LGSN: variants seen among roughly 807,000 people sequenced by gnomAD.
LGSN encodes lengsin, lens protein with glutamine synthetase domain.
In LGSN, 21 loss-of-function variants were observed where a neutral mutation model predicts 19.5. The ratio of observed to expected loss-of-function variants is 1.07; its 90% CI spans 0.76 to 1.55. The LOEUF is 1.55. Among genes scored for constraint, LGSN ranks in the 40% most tolerant of loss-of-function variants. LGSN has a pLI of 0.00. For missense variants in LGSN, 673 were observed against 608.5 expected (o/e 1.11, Z -1.12); for synonymous variants, 257 against 215.6 (o/e 1.19, Z -1.68).
chr6:63,411,836 G>A, the LGSN span, among the ~76,000 whole-genome samples: 1 of 151,964 alleles, frequency 6.6e-6, no homozygotes, highest in Admixed American at 6.6e-5. Context: ...GACAGAGTGA[G>A]ACCCTGTCTC....
chr6:63,443,001 C>T, the LGSN span, among the ~76,000 whole-genome samples: 9 of 152,326 alleles, frequency 5.9e-5, no homozygotes, highest in East Asian at 5.8e-4. Context: ...GAGCAGGCGG[C>T]GGTGCCCGTC....
the LGSN span, among the ~76,000 whole-genome samples, chr6:63,512,312 G>T: frequency 7.9e-5 from 12 of 152,028 alleles, no homozygotes; most frequent in Non-Finnish European, 1.5e-4. Context: ...GGAACTCCTG[G>T]CCTTAAGTGA....
chr6:63,550,134 TA>T, the LGSN span, among the ~76,000 whole-genome samples: 1 of 152,160 alleles, frequency 6.6e-6, no homozygotes, highest in Non-Finnish European at 1.5e-5. Flanking sequence ...AGAAAAACTT[TA>T]AAACTGAGAA....
At chr6:63,286,788 C>T (rs1250567170) in intron 2 of LGSN, among the ~76,000 whole-genome samples, 1 of 152,204 alleles carries the variant, frequency 6.6e-6, no homozygotes, top group Admixed American at 6.5e-5. Context: ...CCTGCCTTTG[C>T]CCTAGCAACA....
intron 1 of LGSN, among the ~76,000 whole-genome samples, chr6:63,297,253 T>C (rs930128196): frequency 6.6e-6 from 1 of 151,442 alleles, no homozygotes; most frequent in Non-Finnish European, 1.5e-5. Context: ...GGCAGGAGAA[T>C]TGCTTGAACC....
At chr6:63,340,838 T>TTTTGTG in the LGSN span, among the ~76,000 whole-genome samples, 1 of 146,722 alleles carries the variant, frequency 6.8e-6, no homozygotes, top group African/African-American at 2.5e-5. Flanking sequence ...TTTTTATGGT[T>TTTTGTG]TGTGTGTGTG....
the LGSN span, among the ~76,000 whole-genome samples, chr6:63,484,763 C>T: frequency 6.6e-6 from 1 of 152,176 alleles, no homozygotes; most frequent in Admixed American, 6.5e-5. Context: ...TATACTGGCT[C>T]TGAGGTAAAT....
chr6:63,451,697 T>A, the LGSN span, among the ~76,000 whole-genome samples: 2 of 151,974 alleles, frequency 1.3e-5, no homozygotes, highest in East Asian at 3.9e-4. Flanking sequence ...CAAACCCCCA[T>A]GACACAAGTT....
the LGSN span, among the ~76,000 whole-genome samples, chr6:63,405,771 T>C: frequency 6.6e-6 from 1 of 152,130 alleles, no homozygotes; most frequent in Non-Finnish European, 1.5e-5. Flanking sequence ...TGTGCTGTAT[T>C]CAGGAAACCC....
At chr6:63,542,021 T>TGG in the LGSN span, among the ~76,000 whole-genome samples, 1 of 88,912 alleles carries the variant, frequency 1.1e-5, no homozygotes, top group Non-Finnish European at 2.1e-5. Flanking sequence ...AAAGAAACTG[T>TGG]GGTGTGTGTG....
rs1451315038 is a variant in LGSN, at chr6:63,277,484, C to A, written c.*2537G>T. The A allele has an allele frequency of 1.3e-5, 2 of 152,186 alleles. No homozygotes were observed. Among genetic ancestry groups the A allele is most frequent in the African/African-American group, 4.8e-5 (2 of 41,438 alleles). The allele number at this position is 152,186 out of a possible 1,614,324, so 9.4% of individuals were successfully genotyped here. A position where few individuals can be genotyped will look rare whatever the true frequency, so the allele number is the denominator to read the frequency against. On this transcript the variant is annotated 3_prime_UTR_variant, in exon 4 of 4. Transcript: ENST00000370657. ...CCACTCATATGCACACACTCACACA[C>A]AAACACACATACAACACACACATGG...
At chr6:63,351,764 T>A in the LGSN span, among the ~76,000 whole-genome samples, 1 of 152,042 alleles carries the variant, frequency 6.6e-6, no homozygotes, top group Non-Finnish European at 1.5e-5. Flanking sequence ...AGCCTAAATA[T>A]CTTAAATATG....
At chr6:63,406,094 C>A in the LGSN span, among the ~76,000 whole-genome samples, 14 of 152,270 alleles carry the variant, frequency 9.2e-5, no homozygotes, top group African/African-American at 2.9e-4. Flanking sequence ...TTTAACACCC[C>A]ACTGTCAACA....
the LGSN span, among the ~76,000 whole-genome samples, chr6:63,412,772 G>GAAAGAAACAAAGA: frequency 8.5e-3 from 351 of 41,194 alleles, 10 homozygotes; most frequent in Non-Finnish European, 0.012. Context: ...AGAAAGAAAG[G>GAAAGAAACAAAGA]AAGGAAGGGA....
chr6:63,453,100 T>C, the LGSN span, among the ~76,000 whole-genome samples: 2 of 152,200 alleles, frequency 1.3e-5, no homozygotes, highest in Non-Finnish European at 2.9e-5. Context: ...AGATTTTTAA[T>C]ATATCTTTCT....
chr6:63,341,837 G>A, the LGSN span, among the ~76,000 whole-genome samples: 3 of 151,182 alleles, frequency 2.0e-5, no homozygotes, highest in African/African-American at 4.9e-5. Flanking sequence ...TTATCACAAC[G>A]AAACAGAAAA....
At chr6:63,300,285 C>G (rs1164285431) in intron 1 of LGSN, among the ~76,000 whole-genome samples, 1 of 152,322 alleles carries the variant, frequency 6.6e-6, no homozygotes, top group East Asian at 1.9e-4. Flanking sequence ...CCTAGCCATC[C>G]TAGGTGCCAC....
intron 1 of LGSN, among the ~76,000 whole-genome samples, chr6:63,295,608 A>G (rs1296811537): frequency 1.3e-5 from 2 of 152,200 alleles, no homozygotes; most frequent in Admixed American, 6.6e-5. Flanking sequence ...TTATATGTGT[A>G]AAACAAACAT....
chr6:63,384,034 AC>A, the LGSN span, among the ~76,000 whole-genome samples: 1 of 151,984 alleles, frequency 6.6e-6, no homozygotes, highest in East Asian at 1.9e-4. Flanking sequence ...AGATTTCACC[AC>A]TCCTTAGTGT....
Sources: allele counts gnomAD v4.1 joint callset (sites outside exome capture counted in the v4.1 genomes callset), GRCh38; gene constraint gnomAD v4.1.1; transcripts MANE v1.5; gene names NCBI Gene and HGNC (gene_info 2026-07-23, HGNC 2026-07-21).